The following DPP8 variants were observed in gnomAD, a reference collection of about 807,000 sequenced individuals.
DPP8 encodes DPP VIII.
DPP8 carries 31 observed loss-of-function variants against 107.5 expected under a neutral mutation model. That is an observed-to-expected ratio of 0.29 (90% CI 0.22 to 0.39). The LOEUF (loss-of-function observed/expected upper bound fraction) is 0.39, where lower values mean the gene tolerates loss of function less well. DPP8 is among the 10% of genes least tolerant of loss of function. DPP8 has a pLI of 1.00. For missense variants in DPP8, 842 were observed against 1,076.1 expected (o/e 0.78, Z 3.04); for synonymous variants, 381 against 356.6 (o/e 1.07, Z -0.77).
At chr15:65,475,278 A>T in intron 11 of DPP8, 2 of 642,116 alleles carry the variant, frequency 3.1e-6, no homozygotes, top group Non-Finnish European at 5.6e-6. Context: ...AGAGAGACCC[A>T]AATACCTCTA....
rs981847408 is a variant in DPP8, at chr15:65,454,648, T to C, written c.2119-233A>G. On this transcript the variant is annotated intron_variant, in intron 16 of 19. Transcript: ENST00000300141. ...TTCAAGTGATTCTCCTGCCTCAGCC[T>C]CCCAAGTAGCTGGGATCACAGGCAT... Among the ~76,000 whole-genome samples, 4 of 152,318 alleles carry C rather than the reference T, an allele frequency of 2.6e-5. 1 individual carries two copies. The highest frequency in any genetic ancestry group is 4.1e-4 in the South Asian group (2 of 4,824).
At position 65,512,242 on chromosome 15, in the gene DPP8, TAA is replaced by T. The variant is rs1003978977; in HGVS notation, c.259+51_259+52del. The T allele has an allele frequency of 1.2e-4, 186 of 1,538,986 alleles. 2 individuals are homozygous for T. The Admixed American group carries it at 3.4e-3, about 28-fold the overall frequency. ...TTGAGTGTCAATTATACCTAGACTT[TAA>T]GTTTGACTTAAGAGATCATTTTCTC... On this transcript the variant is annotated intron_variant, in intron 2 of 19. Transcript: ENST00000300141.
At chr15:65,481,070 C>G (rs2066886762) in intron 9 of DPP8, among the ~76,000 whole-genome samples, 1 of 144,876 alleles carries the variant, frequency 6.9e-6, no homozygotes. Context: ...GGTGACAAAG[C>G]GAGACCATGA....
intron 5 of DPP8, among the ~76,000 whole-genome samples, chr15:65,496,363 A>C (rs1026977946): frequency 2.1e-5 from 3 of 142,736 alleles, no homozygotes. Flanking sequence ...CTTTGTGAAC[A>C]TAAGATTAAG....
At chr15:65,475,469 TG>T in intron 11 of DPP8, 1 of 1,554,680 alleles carries the variant, frequency 6.4e-7, no homozygotes, top group Non-Finnish European at 8.8e-7. Flanking sequence ...GCTGCAGGGC[TG>T]GGGTCCCTGT....
intron 7 of DPP8, 127 bp downstream of exon 7, chr15:65,487,563 T>A: frequency 1.2e-6 from 1 of 850,164 alleles, no homozygotes; most frequent in Non-Finnish European, 1.9e-6. Flanking sequence ...TGGTACTTAG[T>A]GAACAACCCG....
Position 65,497,927 on chromosome 15 carries a change from T to C in DPP8, c.652A>G (p.Asn218Asp). 6.2e-7 allele frequency: 1 copy of C among 1,605,182 alleles called. No homozygotes were observed. The highest frequency in any genetic ancestry group is 8.5e-7 in the Non-Finnish European group (1 of 1,174,296). The change falls in exon 5 of 20, where the codon AAC becomes GAC. Residue 218 changes from asparagine to aspartate, a missense_variant. Around this residue, in one of 2 missense-constraint regions of DPP8, gnomAD observed 663 missense variants for 758.0 expected, o/e 0.87. Coordinates refer to ENST00000300141, the MANE Select transcript of DPP8 (RefSeq NM_130434.5). The part of the protein sequence containing the change: ...DPDWIAFIHS[N>D]DIWISNIVTR... ...ACGATGTTAGATATCCAAATATCGT[T>C]GCTATGTATAAAAGCAATCCAGTCT...
In DPP8 at chr15:65,500,659, G is replaced by C. The variant is rs750537447; in HGVS notation, c.493C>G (p.Gln165Glu). The C allele has an allele frequency of 6.2e-6, 10 of 1,614,014 alleles. No homozygotes were observed. Among genetic ancestry groups the C allele is most frequent in the Non-Finnish European group, 8.5e-6 (10 of 1,179,948 alleles). The change falls in exon 4 of 20, where the codon CAA becomes GAA. Residue 165 changes from glutamine (Q) to glutamate (E), a missense_variant. Transcript: ENST00000300141. ...YHQGSGTFLF[Q>E]AGSGIYHVKD... ...ACGTGATAAATTCCACTACCGGCTT[G>C]AAACAGAAATGTTCCACTTCCTTGG...
chr15:65,510,856 C>A (rs902259363), intron 2 of DPP8, among the ~76,000 whole-genome samples: 2 of 152,054 alleles, frequency 1.3e-5, no homozygotes, highest in African/African-American at 4.8e-5. Context: ...GCTTTTTAAG[C>A]ATGTGAAATG....
rs115751749 is a variant in DPP8 at position 65,489,251 on chromosome 15, G to A, written c.826+938C>T. 3.1e-3 allele frequency among the ~76,000 whole-genome samples: 468 copies of A among 151,938 alleles called. 1 individual carries two copies. Among genetic ancestry groups the A allele is most frequent in the African/African-American group, 0.011 (450 of 41,430 alleles). On this transcript the variant is annotated intron_variant, in intron 6 of 19. Transcript: ENST00000300141. ...TGAGATTACATGCGTGAGTCACTGC[G>A]CCCAGCCAAGGTGTGGTATTTTTTA...
chr15:65,508,958 A>G (rs1020145634), intron 2 of DPP8, among the ~76,000 whole-genome samples: 3 of 152,218 alleles, frequency 2.0e-5, no homozygotes, highest in Non-Finnish European at 4.4e-5. Flanking sequence ...GAGATCCTCA[A>G]CCTATGTTTC....
intron 5 of DPP8, among the ~76,000 whole-genome samples, chr15:65,495,239 T>G (rs2068464099): frequency 6.6e-6 from 1 of 152,180 alleles, no homozygotes; most frequent in Non-Finnish European, 1.5e-5. Flanking sequence ...TAGACATTAC[T>G]TAGGATCAGT....
At position 65,451,050 on chromosome 15, in the gene DPP8, G is replaced by C. The variant is rs1416365626; in HGVS notation, c.2475C>G (p.Thr825=). The change falls in exon 19 of 20, where the codon ACC becomes ACG. Residue 825 remains threonine, a synonymous_variant. Transcript: ENST00000300141. ...TCACTAAAAAACTCAGTAATATACT[G>C]GTATGTGCAAAATGGACATTCTCAT... ...FLDENVHFAH[T]SILLSFLVRA... is the part of the protein sequence containing the mutation. 1.9e-6 allele frequency: 3 copies of C among 1,612,582 alleles called. No homozygotes were observed. Among genetic ancestry groups the C allele is most frequent in the Non-Finnish European group, 2.5e-6 (3 of 1,179,116 alleles).
In DPP8 at chr15:65,481,179, T is replaced by C. The variant is rs73480756; in HGVS notation, c.1118+336A>G. ...TACATTAGACACAGAAACTATTTAT[T>C]TGTAATCATCCTCATATAAAGCTCT... On this transcript the variant is annotated intron_variant, in intron 9 of 19. Transcript: ENST00000300141. Among the ~76,000 whole-genome samples the C allele has an allele frequency of 8.4e-3, 1,279 of 152,338 alleles. 22 individuals are homozygous for C. The highest frequency in any genetic ancestry group is 0.03 in the African/African-American group (1,235 of 41,578).
Position 65,448,905 on chromosome 15 carries a change from T to A in DPP8, c.2527-1899A>T, listed in dbSNP as rs865775825. Among the ~76,000 whole-genome samples the A allele has an allele frequency of 1.5e-3, 125 of 84,664 alleles. 2 individuals are homozygous for A. The highest frequency in any genetic ancestry group is 5.7e-3 in the Middle Eastern group (1 of 176). The allele number at this position is 84,664 out of a possible 152,430, so 55.5% of individuals were successfully genotyped here. ...ATATATATATATATATATATATATA[T>A]ATATATATATATATATATTTAGCCT... On this transcript the variant is annotated intron_variant, in intron 19 of 19. Coordinates refer to ENST00000300141, the MANE Select transcript of DPP8 (RefSeq NM_130434.5).
intron 14 of DPP8, among the ~76,000 whole-genome samples, chr15:65,464,569 G>C (rs1308105490): frequency 6.6e-6 from 1 of 151,828 alleles, no homozygotes; most frequent in East Asian, 1.9e-4. Flanking sequence ...TGTAGTCCCA[G>C]CTACTCAGGA....
In DPP8 at chr15:65,485,079, A is replaced by C; in HGVS notation, c.1017+20T>G. On this transcript the variant is annotated intron_variant, in intron 8 of 19. Coordinates refer to ENST00000300141, the MANE Select transcript of DPP8 (RefSeq NM_130434.5). ...ATTAGTCAAATGACGCAGAAGGTCA[A>C]CTCAGCATTTTATACTTACCCTTCC... 6.3e-7 allele frequency: 1 copy of C among 1,588,140 alleles called. No homozygotes were observed. The highest frequency in any genetic ancestry group is 8.6e-7 in the Non-Finnish European group (1 of 1,156,436).
At chr15:65,451,245 A>G (rs2063953370) in intron 18 of DPP8, 135 bp from the exon 19 acceptor site, 1 of 612,378 alleles carries the variant, frequency 1.6e-6, no homozygotes, top group Middle Eastern at 3.8e-4. Flanking sequence ...AGTATTTTCA[A>G]TATTAAATTT....
chr15:65,503,104 AATTATT>A (rs2069448900), intron 3 of DPP8, among the ~76,000 whole-genome samples: 1 of 151,972 alleles, frequency 6.6e-6, no homozygotes, highest in South Asian at 2.1e-4. Flanking sequence ...AAACACCATT[AATTATT>A]ATTATTATTT....
Sources: allele counts gnomAD v4.1 joint callset (sites outside exome capture counted in the v4.1 genomes callset), GRCh38; gene constraint gnomAD v4.1.1; regional missense constraint gnomAD v4.1.1; transcripts MANE v1.5; gene names NCBI Gene and HGNC (gene_info 2026-07-23, HGNC 2026-07-21).